DPP6: variants seen among roughly 807,000 people sequenced by gnomAD.
DPP6 encodes A-type potassium channel modulatory protein DPP6.
In DPP6, 69 loss-of-function variants were observed where a neutral mutation model predicts 122.6. That is an observed-to-expected ratio of 0.56 (90% CI 0.46 to 0.69). DPP6 has a LOEUF of 0.69. Ranked by LOEUF, DPP6 falls within the 30% of genes least tolerant of loss-of-function variation. The probability of loss-of-function intolerance (pLI) is 0.00; values close to 1 mark genes in which losing one functional copy is unlikely to be tolerated. For missense variants in DPP6, 928 were observed against 1,116.9 expected, an observed-to-expected ratio of 0.83 and a Z score of 2.41; for synonymous variants, 418 against 433.1, an observed-to-expected ratio of 0.97 and a Z score of 0.43.
chr7:154,192,259 A>G (rs1346483714), intron 1 of DPP6, among the ~76,000 whole-genome samples: 1 of 152,248 alleles, frequency 6.6e-6, no homozygotes, highest in East Asian at 1.9e-4. Flanking sequence ...CAACGTCTTG[A>G]TAGCATCACT....
intron 1 of DPP6, among the ~76,000 whole-genome samples, chr7:153,951,659 T>C (rs1802220277): frequency 6.6e-6 from 1 of 152,208 alleles, no homozygotes; most frequent in South Asian, 2.1e-4. Context: ...TTTTATTTTA[T>C]TTCTGGATAC....
At position 154,158,468 on chromosome 7, in the gene DPP6, T is replaced by TA. The variant is rs1329034858; in HGVS notation, c.243+105405_243+105406insA. The stretch of plus-strand genomic sequence containing the variant: ...TCTCTTGTCCTGTTTCTTCCTTTTT[T>TA]TAAAAAAAAAATCTCCTAAATTTCT... On this transcript the variant is annotated intron_variant, in intron 1 of 25. Coordinates refer to ENST00000377770, the MANE Select transcript of DPP6 (RefSeq NM_130797.4). 3.8e-4 allele frequency among the ~76,000 whole-genome samples: 35 copies of TA among 92,376 alleles called. No individual in the cohort carries two copies. In the East Asian group the frequency reaches 7.0e-3, roughly 18 times the overall value. The allele number at this position is 92,376 out of a possible 152,430, so 60.6% of individuals were successfully genotyped here.
chr7:154,699,968 GGGCCAGT>G (rs916567282), intron 7 of DPP6, among the ~76,000 whole-genome samples: 3 of 152,122 alleles, frequency 2.0e-5, no homozygotes, highest in Non-Finnish European at 4.4e-5. Flanking sequence ...GTGTCCTCTT[GGGCCAGT>G]GGGCTCCTTC....
the DPP6 span, among the ~76,000 whole-genome samples, chr7:153,879,538 C>T: frequency 8.5e-5 from 13 of 152,144 alleles, no homozygotes; most frequent in African/African-American, 2.4e-4. Flanking sequence ...TGCAGGTGCA[C>T]GCCACCACAG....
At chr7:153,764,566 CA>C in the DPP6 span, among the ~76,000 whole-genome samples, 2 of 151,962 alleles carry the variant, frequency 1.3e-5, no homozygotes, top group Non-Finnish European at 2.9e-5. Flanking sequence ...CTGGATGTGA[CA>C]AATACACAAA....
intron 1 of DPP6, among the ~76,000 whole-genome samples, chr7:154,042,415 A>C (rs551277900): frequency 6.6e-6 from 1 of 152,322 alleles, no homozygotes; most frequent in Non-Finnish European, 1.5e-5. Context: ...AAATTTATAT[A>C]GTTTCCTCTT....
intron 1 of DPP6, among the ~76,000 whole-genome samples, chr7:154,213,425 C>T (rs1432875549): frequency 6.6e-6 from 1 of 152,166 alleles, no homozygotes; most frequent in Non-Finnish European, 1.5e-5. Context: ...AAGTTGATGC[C>T]TGTTCTTTTT....
chr7:153,780,908 C>T, the DPP6 span, among the ~76,000 whole-genome samples: 11 of 152,240 alleles, frequency 7.2e-5, no homozygotes, highest in East Asian at 7.7e-4. Context: ...AACCTGGTGT[C>T]TCCTTGTAAC....
At chr7:154,214,258 C>A (rs1799883346) in intron 1 of DPP6, among the ~76,000 whole-genome samples, 1 of 152,228 alleles carries the variant, frequency 6.6e-6, no homozygotes, top group South Asian at 2.1e-4. Flanking sequence ...TTCACCAAAG[C>A]ATTAAGCCAG....
At chr7:154,077,057 T>C (rs1803608767) in intron 1 of DPP6, among the ~76,000 whole-genome samples, 1 of 152,250 alleles carries the variant, frequency 6.6e-6, no homozygotes, top group Non-Finnish European at 1.5e-5. Context: ...ATAAAATGTT[T>C]TAAAACAATA....
chr7:154,746,660 G>A (rs1417264313), intron 8 of DPP6, among the ~76,000 whole-genome samples: 1 of 152,166 alleles, frequency 6.6e-6, no homozygotes, highest in Non-Finnish European at 1.5e-5. Flanking sequence ...CACAGCAATG[G>A]TTCACTCAAT....
intron 6 of DPP6, among the ~76,000 whole-genome samples, chr7:154,654,406 T>TG (rs71266532): frequency 1.7e-5 from 2 of 117,062 alleles, no homozygotes; most frequent in African/African-American, 3.1e-5. Flanking sequence ...TATCCAAATC[T>TG]TTCTTTCTTT....
chr7:153,765,498 T>C, the DPP6 span, among the ~76,000 whole-genome samples: 3 of 150,490 alleles, frequency 2.0e-5, no homozygotes, highest in African/African-American at 7.4e-5. Context: ...GCCAAGATCA[T>C]GCCACTGCAC....
intron 1 of DPP6, among the ~76,000 whole-genome samples, chr7:154,119,160 A>G (rs1477932442): frequency 1.3e-5 from 2 of 152,088 alleles, no homozygotes; most frequent in African/African-American, 2.4e-5. Context: ...CTTTCCCTAT[A>G]TACATATGGT....
At chr7:154,571,253 A>G (rs998429399) in intron 5 of DPP6, among the ~76,000 whole-genome samples, 3 of 152,192 alleles carry the variant, frequency 2.0e-5, no homozygotes, top group African/African-American at 7.2e-5. Context: ...TTATATTGAG[A>G]TATATTTGAC....
chr7:154,853,916 C>CTA (rs1802608188), intron 17 of DPP6, 89 bp downstream of exon 17: 1 of 1,551,042 alleles, frequency 6.4e-7, no homozygotes, highest in South Asian at 1.1e-5. Flanking sequence ...CCACATTCTC[C>CTA]TACTCAGAGA....
chr7:154,236,031 G>A (rs1477022651), intron 1 of DPP6, among the ~76,000 whole-genome samples: 1 of 151,922 alleles, frequency 6.6e-6, no homozygotes, highest in African/African-American at 2.4e-5. Context: ...TTTTGTATTT[G>A]TAATAAAGAT....
At chr7:154,560,067 A>C (rs1452987195) in intron 4 of DPP6, among the ~76,000 whole-genome samples, 1 of 151,556 alleles carries the variant, frequency 6.6e-6, no homozygotes, top group Non-Finnish European at 1.5e-5. Flanking sequence ...TGAGAAACTT[A>C]AGGGAAGTTC....
chr7:154,393,555 T>C (rs1331291681), intron 1 of DPP6, among the ~76,000 whole-genome samples: 1 of 96,298 alleles, frequency 1.0e-5, no homozygotes, highest in Non-Finnish European at 2.0e-5. Context: ...GATTGTTCAA[T>C]TTTTTTTTTT....
Sources: gnomAD v4.1 joint callset for allele counts (sites outside exome capture counted in the v4.1 genomes callset) on GRCh38, gnomAD v4.1.1 for gene constraint, MANE v1.5 for transcripts, NCBI Gene and HGNC (gene_info 2026-07-23, HGNC 2026-07-21) for gene names.